Variants in NTRK1 observed in about 807,000 individuals in gnomAD.
The protein encoded by NTRK1 is high affinity nerve growth factor receptor.
A neutral mutation model predicts 86.8 loss-of-function variants in NTRK1; 62 were observed. The observed-to-expected ratio is 0.71, with a 90% CI of 0.58 to 0.88. The LOEUF (loss-of-function observed/expected upper bound fraction) is 0.88, where lower values mean the gene tolerates loss of function less well. NTRK1 is among the 40% of genes least tolerant of loss of function. The pLI is 0.00. For synonymous variants in NTRK1, 469 were observed against 456.6 expected (o/e 1.03, Z -0.35); for missense variants, 967 against 1,078.4 (o/e 0.90, Z 1.45).
intron 16 of NTRK1, 121 bp from the exon 17 acceptor site, chr1:156,881,336 T>A: frequency 1.1e-6 from 1 of 920,644 alleles, no homozygotes. Flanking sequence ...TATTAGCAGC[T>A]AAGAAGCCCA....
rs2102912320 is a variant in NTRK1, at chr1:156,874,983, A to G, written c.1329A>G (p.Gly443=). Residue 443 remains glycine (G), a synonymous_variant, in exon 11 of 17, where the codon GGA becomes GGG. Transcript: ENST00000524377. ...STLLLVLNKC[G]RRNKFGINRP... ...TGCTCCTTGTGCTCAACAAATGTGG[A>G]CGGAGAAACAAGTTTGGGATCAACC... The G allele has an allele frequency of 6.2e-7, 1 of 1,613,784 alleles. No individual in the cohort carries two copies. Among genetic ancestry groups the G allele is most frequent in the Non-Finnish European group, 8.5e-7 (1 of 1,179,838 alleles).
intron 7 of NTRK1, among the ~76,000 whole-genome samples, chr1:156,872,928 C>T (rs1268855586): frequency 6.6e-6 from 1 of 151,966 alleles, no homozygotes; most frequent in Non-Finnish European, 1.5e-5. Flanking sequence ...CCGCCCGCCT[C>T]GGCCTCCCAA....
upstream of NTRK1, chr1:156,858,711 C>T (rs1171061803): frequency 1.8e-6 from 2 of 1,104,776 alleles, no homozygotes; most frequent in African/African-American, 3.1e-5. Flanking sequence ...ACACAGAGAC[C>T]AGGGTTCAGA....
chr1:156,846,914 C>T (rs907279621), intron 2 of NTRK1, among the ~76,000 whole-genome samples: 2 of 151,866 alleles, frequency 1.3e-5, no homozygotes, highest in African/African-American at 4.8e-5. Flanking sequence ...CAAGGGGGGG[C>T]GGAGGAGGGG....
chr1:156,853,141 C>T (rs1039740904), intron 2 of NTRK1, among the ~76,000 whole-genome samples: 1 of 152,132 alleles, frequency 6.6e-6, no homozygotes, highest in Admixed American at 6.5e-5. Context: ...TCTTTGCTCT[C>T]ACCTGTTCAG....
chr1:156,871,830 G>A (rs2102900704), intron 7 of NTRK1, 75 bp downstream of exon 7: 1 of 1,599,472 alleles, frequency 6.3e-7, no homozygotes, highest in East Asian at 2.2e-5. Context: ...GTAGGGTGGG[G>A]GGCTGGAAGA....
In NTRK1 at chr1:156,864,442, G is replaced by A. The variant is rs758867483; in HGVS notation, c.287+14G>A. ...GCTGAGAAACCTGTGAGGGAAACGGGGACTGTGGGTGTGGAGCTCAGCATG... is the reference window on the plus strand; with the variant it reads ...GCTGAGAAACCTGTGAGGGAAACGGAGACTGTGGGTGTGGAGCTCAGCATG... On this transcript the variant is annotated intron_variant, in intron 2 of 16. Transcript: ENST00000524377. 1 of 1,612,862 alleles carries A rather than the reference G, an allele frequency of 6.2e-7. No homozygotes were observed. Among genetic ancestry groups the A allele is most frequent in the Admixed American group, 1.7e-5 (1 of 59,996 alleles).
chr1:156,840,720 C>T (rs1654741595), intron 1 of NTRK1: 2 of 655,490 alleles, frequency 3.1e-6, no homozygotes, highest in Admixed American at 2.6e-5. Flanking sequence ...CTCTGCCCAC[C>T]CCCACAGCCT....
chr1:156,844,026 G>T (rs749446657), intron 2 of NTRK1: 1 of 627,720 alleles, frequency 1.6e-6, no homozygotes, highest in Non-Finnish European at 2.8e-6. Context: ...TAACTGAGAG[G>T]TATGTTTCCT....
intron 2 of NTRK1, among the ~76,000 whole-genome samples, chr1:156,852,349 G>A (rs756723948): frequency 1.8e-4 from 28 of 152,244 alleles, no homozygotes; most frequent in Non-Finnish European, 3.1e-4. Flanking sequence ...GTTCCCCTCC[G>A]ATGGGATTCT....
chr1:156,865,084 C>T, intron 3 of NTRK1: 1 of 488,626 alleles, frequency 2.0e-6, no homozygotes, highest in South Asian at 2.0e-5. Flanking sequence ...CTCAGATACA[C>T]ACCAGTGCAA....
upstream of NTRK1, among the ~76,000 whole-genome samples, chr1:156,856,992 C>T (rs1655426340): frequency 6.6e-6 from 1 of 152,154 alleles, no homozygotes; most frequent in African/African-American, 2.4e-5. Flanking sequence ...CCCACCGAGC[C>T]CTCCGGTGTT....
At chr1:156,817,208 G>C (rs910335855) in intron 1 of NTRK1, among the ~76,000 whole-genome samples, 1 of 152,120 alleles carries the variant, frequency 6.6e-6, no homozygotes, top group Non-Finnish European at 1.5e-5. Context: ...CATGCTTTGA[G>C]GAGACATGAG....
intron 3 of NTRK1, 50 bp downstream of exon 3, chr1:156,864,849 T>C: frequency 6.4e-7 from 1 of 1,567,844 alleles, no homozygotes; most frequent in Non-Finnish European, 8.7e-7. Flanking sequence ...ACACCCAGAC[T>C]TGGGCTGCTA....
At position 156,873,504 on chromosome 1, in the gene NTRK1, G is replaced by A; in HGVS notation, c.851-129G>A. 2.8e-6 allele frequency: 2 copies of A among 723,078 alleles called. 1 individual carries two copies. The highest frequency in any genetic ancestry group is 4.9e-6 in the Non-Finnish European group (2 of 410,472). 44.8% of individuals were successfully genotyped at this position (723,078 alleles called of 1,614,324 possible). A position where few individuals can be genotyped will look rare whatever the true frequency, so the allele number is the denominator to read the frequency against. On this transcript the variant is annotated intron_variant, in intron 7 of 16. Coordinates refer to ENST00000524377, the MANE Select transcript of NTRK1 (RefSeq NM_002529.4). ...CTTGGTGAATTTCCCAGGGCCTGCT[G>A]ACCTGTTTCTCCCAGGCCTGCCCTT...
intron 16 of NTRK1, 25 bp downstream of exon 16, chr1:156,880,182 C>A: frequency 1.9e-6 from 3 of 1,611,704 alleles, no homozygotes; most frequent in Non-Finnish European, 2.5e-6. Flanking sequence ...ATGGTCACCC[C>A]TTGCTGGCCT....
chr1:156,850,298 G>T (rs1655156271), intron 2 of NTRK1, among the ~76,000 whole-genome samples: 1 of 151,984 alleles, frequency 6.6e-6, no homozygotes, highest in South Asian at 2.1e-4. Context: ...TGTAACCCCT[G>T]TCTCCCAGGT....
intron 2 of NTRK1, among the ~76,000 whole-genome samples, chr1:156,853,524 C>A (rs1170928051): frequency 2.0e-5 from 3 of 152,196 alleles, no homozygotes; most frequent in African/African-American, 7.2e-5. Flanking sequence ...TGAACCTGTC[C>A]TTCACCTATT....
chr1:156,852,554 T>C (rs1483154459), intron 2 of NTRK1, among the ~76,000 whole-genome samples: 1 of 152,208 alleles, frequency 6.6e-6, no homozygotes, highest in African/African-American at 2.4e-5. Context: ...GGCCAGCCTC[T>C]CCTGAGCAGC....
Sources: allele counts gnomAD v4.1 joint callset (sites outside exome capture counted in the v4.1 genomes callset), GRCh38; gene constraint gnomAD v4.1.1; transcripts MANE v1.5; gene names NCBI Gene and HGNC (gene_info 2026-07-23, HGNC 2026-07-21).